The following RAB38 variants were observed in gnomAD, a reference collection of about 807,000 sequenced individuals.
RAB38 encodes RAB38, member RAS oncogene family.
A neutral mutation model predicts 18.4 loss-of-function variants in RAB38; 15 were observed. That is an observed-to-expected ratio of 0.82 (90% confidence interval 0.55 to 1.26). The LOEUF is 1.26. Ranked by LOEUF, RAB38 falls within the 50% of genes most tolerant of loss-of-function variation. RAB38 has a pLI of 0.00. For missense variants in RAB38, 294 were observed against 267.4 expected (o/e 1.10, Z -0.69); for synonymous variants, 101 against 104.4 (o/e 0.97, Z 0.20).
At chr11:88,048,736 G>A in the RAB38 span, among the ~76,000 whole-genome samples, 10 of 152,132 alleles carry the variant, frequency 6.6e-5, no homozygotes, top group South Asian at 2.1e-3. Flanking sequence ...CCCTGCTCTT[G>A]TTTACACTGC....
At chr11:87,874,875 G>A in the RAB38 span, among the ~76,000 whole-genome samples, 5 of 151,306 alleles carry the variant, frequency 3.3e-5, no homozygotes, top group African/African-American at 1.2e-4. Flanking sequence ...AACCATTGTG[G>A]GAAATGGTAT....
the RAB38 span, among the ~76,000 whole-genome samples, chr11:87,938,405 C>G: frequency 6.6e-6 from 1 of 152,040 alleles, no homozygotes; most frequent in Non-Finnish European, 1.5e-5. Context: ...GGATGAACGT[C>G]TTAGCTTCCT....
At chr11:88,096,876 T>C in the RAB38 span, among the ~76,000 whole-genome samples, 1 of 151,580 alleles carries the variant, frequency 6.6e-6, no homozygotes, top group East Asian at 2.0e-4. Context: ...ACAGAGTAAA[T>C]ATTTCAGTGG....
chr11:87,829,732 A>T, the RAB38 span, among the ~76,000 whole-genome samples: 1 of 152,122 alleles, frequency 6.6e-6, no homozygotes, highest in South Asian at 2.1e-4. Context: ...AAAACAAATA[A>T]ATTTAGGGAA....
chr11:87,856,826 C>T, the RAB38 span, among the ~76,000 whole-genome samples: 1 of 152,046 alleles, frequency 6.6e-6, no homozygotes, highest in Non-Finnish European at 1.5e-5. Context: ...CAAGGCTTAT[C>T]TGTACTTGAT....
chr11:87,837,248 C>A, the RAB38 span, among the ~76,000 whole-genome samples: 1 of 152,170 alleles, frequency 6.6e-6, no homozygotes, highest in African/African-American at 2.4e-5. Context: ...CCTACATTTT[C>A]CCCATGTTAG....
chr11:88,155,723 T>C lies in RAB38; in HGVS notation c.203-5768A>G, dbSNP rs72960978. ...AACTCAGAAGTGACAGATAAAGAAT[T>C]CAAATCATGGATTGCAAGGCAGCTC... On this transcript the variant is annotated intron_variant, in intron 1 of 2. Coordinates refer to ENST00000243662, the MANE Select transcript of RAB38 (RefSeq NM_022337.3). Among the ~76,000 whole-genome samples the C allele has an allele frequency of 6.3e-3, 955 of 152,230 alleles. 3 individuals carry two copies. Among genetic ancestry groups the C allele is most frequent in the Non-Finnish European group, 0.011 (718 of 68,000 alleles).
the RAB38 span, among the ~76,000 whole-genome samples, chr11:88,053,404 T>TATATATATACACACACACATATATATGGA: frequency 6.7e-5 from 2 of 29,964 alleles, no homozygotes; most frequent in African/African-American, 1.5e-4. Context: ...ATATATGGAA[T>TATATATATACACACACACATATATATGGA]ATATATATAT....
chr11:88,024,478 T>C, the RAB38 span, among the ~76,000 whole-genome samples: 1 of 152,050 alleles, frequency 6.6e-6, no homozygotes, highest in African/African-American at 2.4e-5. Flanking sequence ...ACTTTAGAGG[T>C]TCCTCATAAA....
the RAB38 span, among the ~76,000 whole-genome samples, chr11:87,934,096 G>A: frequency 6.6e-6 from 1 of 152,076 alleles, no homozygotes; most frequent in Admixed American, 6.6e-5. Context: ...ATCCGTGATT[G>A]TCCTGGACCA....
At chr11:88,097,380 G>T in the RAB38 span, among the ~76,000 whole-genome samples, 6 of 152,028 alleles carry the variant, frequency 3.9e-5, no homozygotes, top group South Asian at 1.0e-3. Flanking sequence ...CTGTCAGGAA[G>T]AAATTCCTGA....
At chr11:88,138,290 G>A (rs1942860453) in intron 2 of RAB38, among the ~76,000 whole-genome samples, 1 of 152,152 alleles carries the variant, frequency 6.6e-6, no homozygotes, top group South Asian at 2.1e-4. Flanking sequence ...TTGAAAATAA[G>A]CACAGACAGC....
At chr11:88,088,297 T>C in the RAB38 span, among the ~76,000 whole-genome samples, 1 of 151,966 alleles carries the variant, frequency 6.6e-6, no homozygotes, top group Non-Finnish European at 1.5e-5. Context: ...ACTTAAGTTT[T>C]CTAGGGTTTT....
At chr11:88,157,343 A>G (rs1474307387) in intron 1 of RAB38, among the ~76,000 whole-genome samples, 2 of 152,222 alleles carry the variant, frequency 1.3e-5, no homozygotes, top group Admixed American at 6.5e-5. Context: ...CAGATTCATA[A>G]AACAAGTACT....
At chr11:88,023,857 A>G in the RAB38 span, among the ~76,000 whole-genome samples, 1 of 152,138 alleles carries the variant, frequency 6.6e-6, no homozygotes, top group Non-Finnish European at 1.5e-5. Flanking sequence ...AAAGAATGAA[A>G]CTTGATCCAT....
the RAB38 span, among the ~76,000 whole-genome samples, chr11:88,079,348 C>A: frequency 4.6e-5 from 7 of 151,818 alleles, no homozygotes; most frequent in African/African-American, 1.7e-4. Context: ...GCTTGAATCA[C>A]ACAAAGTATC....
intron 1 of RAB38, among the ~76,000 whole-genome samples, chr11:88,162,972 A>C (rs1198346487): frequency 2.0e-5 from 3 of 152,102 alleles, no homozygotes; most frequent in African/African-American, 7.2e-5. Context: ...GGTTGTACCC[A>C]AGCTCCACCT....
the RAB38 span, among the ~76,000 whole-genome samples, chr11:87,828,037 T>C: frequency 6.6e-6 from 1 of 152,178 alleles, no homozygotes; most frequent in Non-Finnish European, 1.5e-5. Flanking sequence ...TTTCTTAGTT[T>C]TGACAAATGT....
the RAB38 span, among the ~76,000 whole-genome samples, chr11:88,072,022 C>T: frequency 1.3e-5 from 2 of 152,118 alleles, no homozygotes; most frequent in East Asian, 3.9e-4. Flanking sequence ...TACACAATGT[C>T]CAATATTCAG....
Sources: gnomAD v4.1 joint callset for allele counts (sites outside exome capture counted in the v4.1 genomes callset) on GRCh38, gnomAD v4.1.1 for gene constraint, MANE v1.5 for transcripts, NCBI Gene and HGNC (gene_info 2026-07-23, HGNC 2026-07-21) for gene names.